The following AHCYL2 variants were observed in gnomAD, a reference collection of about 807,000 sequenced individuals.
AHCYL2 encodes S-adenosylhomocysteine hydrolase-like protein 2.
A neutral mutation model predicts 81.4 loss-of-function variants in AHCYL2; 28 were observed. That is an observed-to-expected ratio of 0.34 (90% CI 0.25 to 0.47). The LOEUF (loss-of-function observed/expected upper bound fraction) is 0.47, where lower values mean the gene tolerates loss of function less well. Among genes scored for constraint, AHCYL2 ranks in the 20% least tolerant of loss-of-function variants. The pLI is 1.00. For missense variants in AHCYL2, 551 were observed against 785.1 expected, an observed-to-expected ratio of 0.70 and a Z score of 3.56; for synonymous variants, 272 against 290.2, an observed-to-expected ratio of 0.94 and a Z score of 0.64.
chr7:129,394,440 CTTTTTTTT>C (rs35797517), intron 4 of AHCYL2, among the ~76,000 whole-genome samples: 4 of 45,746 alleles, frequency 8.7e-5, no homozygotes, highest in East Asian at 1.7e-3. Context: ...TTGTATTTGA[CTTTTTTTT>C]TTTTTTTTTT....
intron 1 of AHCYL2, among the ~76,000 whole-genome samples, chr7:129,257,329 A>G (rs1795463661): frequency 6.6e-6 from 1 of 152,174 alleles, no homozygotes. Flanking sequence ...TTGGCAGCCT[A>G]AGGGATCCTT....
At chr7:129,262,738 C>A (rs560729981) in intron 1 of AHCYL2, among the ~76,000 whole-genome samples, 2 of 152,242 alleles carry the variant, frequency 1.3e-5, no homozygotes, top group African/African-American at 4.8e-5. Flanking sequence ...GCTGGGAACT[C>A]AGATTTCAGG....
intron 1 of AHCYL2, among the ~76,000 whole-genome samples, chr7:129,311,399 AAAT>A (rs1420660107): frequency 1.3e-5 from 2 of 152,170 alleles, no homozygotes; most frequent in African/African-American, 4.8e-5. Flanking sequence ...CTGTGGTTTT[AAAT>A]ATCATCTAAC....
chr7:129,240,929 T>A (rs1042002225), intron 1 of AHCYL2, among the ~76,000 whole-genome samples: 2 of 152,148 alleles, frequency 1.3e-5, no homozygotes, highest in Non-Finnish European at 2.9e-5. Context: ...GGTATAGGTT[T>A]GCGTAGAGAG....
At chr7:129,249,711 C>T (rs1309092177) in intron 1 of AHCYL2, among the ~76,000 whole-genome samples, 1 of 152,232 alleles carries the variant, frequency 6.6e-6, no homozygotes, top group Admixed American at 6.5e-5. Flanking sequence ...AGGCGTGAGC[C>T]ACCGTGCCTG....
intron 1 of AHCYL2, among the ~76,000 whole-genome samples, chr7:129,330,716 C>T (rs1798390381): frequency 6.6e-6 from 1 of 152,194 alleles, no homozygotes; most frequent in Non-Finnish European, 1.5e-5. Context: ...CCGCCTTGGC[C>T]TCCCAAAGTG....
At chr7:129,348,437 G>A (rs2150826117) in intron 1 of AHCYL2, among the ~76,000 whole-genome samples, 1 of 149,798 alleles carries the variant, frequency 6.7e-6, no homozygotes, top group African/African-American at 2.5e-5. Context: ...TGAAAAGAAT[G>A]TCTCTACAAG....
At position 129,344,142 on chromosome 7, in the gene AHCYL2, T is replaced by C. The variant is rs1170303852; in HGVS notation, c.364-35496T>C. ...TGACAATAGCTACTACTGATGAGGGTGTGGGACAGTTGTAATGATCATGCA... is the reference window on the plus strand; with the variant it reads ...TGACAATAGCTACTACTGATGAGGGCGTGGGACAGTTGTAATGATCATGCA... On this transcript the variant is annotated intron_variant, in intron 1 of 16. Coordinates refer to ENST00000325006, the MANE Select transcript of AHCYL2 (RefSeq NM_015328.4). Among the ~76,000 whole-genome samples, 10 of 152,196 alleles carry C rather than the reference T, an allele frequency of 6.6e-5. No individual in the cohort carries two copies. The East Asian group carries it at 1.9e-3, about 29-fold the overall frequency.
intron 1 of AHCYL2, among the ~76,000 whole-genome samples, chr7:129,337,694 C>T (rs949845873): frequency 2.7e-5 from 4 of 150,838 alleles, no homozygotes; most frequent in African/African-American, 4.9e-5. Context: ...CCACTGTGCC[C>T]GTCCATGCCA....
At chr7:129,251,308 A>T (rs1042670205) in intron 1 of AHCYL2, among the ~76,000 whole-genome samples, 9 of 136,022 alleles carry the variant, frequency 6.6e-5, no homozygotes, top group Non-Finnish European at 1.2e-4. Context: ...CAGCTGGCAG[A>T]TAGTAAAGAT....
chr7:129,274,196 A>G (rs951002128), intron 1 of AHCYL2, among the ~76,000 whole-genome samples: 4 of 152,170 alleles, frequency 2.6e-5, no homozygotes, highest in African/African-American at 7.2e-5. Context: ...GAGAGTGTCT[A>G]TTGTGCTTAT....
At chr7:129,319,740 T>TA (rs1030813036) in intron 1 of AHCYL2, among the ~76,000 whole-genome samples, 2 of 152,226 alleles carry the variant, frequency 1.3e-5, no homozygotes, top group African/African-American at 4.8e-5. Flanking sequence ...TCATTCACGT[T>TA]ACAGCACGTA....
chr7:129,388,831 TA>T, intron 2 of AHCYL2: 1 of 462,118 alleles, frequency 2.2e-6, no homozygotes, highest in Non-Finnish European at 3.8e-6. Context: ...GTTCTGAAGA[TA>T]AAGTTAGCCC....
At chr7:129,245,025 CTTTT>C (rs11457350) in intron 1 of AHCYL2, among the ~76,000 whole-genome samples, 6 of 115,752 alleles carry the variant, frequency 5.2e-5, no homozygotes, top group Admixed American at 9.0e-5. Context: ...GTAGAATATT[CTTTT>C]TTTTTTTTTT....
At chr7:129,410,108 C>T (rs1796495414) in intron 11 of AHCYL2, 2 of 1,511,508 alleles carry the variant, frequency 1.3e-6, no homozygotes, top group East Asian at 4.5e-5. Flanking sequence ...CAAGATAATC[C>T]ATCTCTAAAA....
chr7:129,280,886 A>C (rs1009741412), intron 1 of AHCYL2, among the ~76,000 whole-genome samples: 2 of 145,952 alleles, frequency 1.4e-5, no homozygotes, highest in African/African-American at 5.1e-5. Flanking sequence ...TTTTTTTGAG[A>C]CAGAGTCTCG....
intron 1 of AHCYL2, among the ~76,000 whole-genome samples, chr7:129,331,207 T>G (rs1798406078): frequency 6.6e-6 from 1 of 152,162 alleles, no homozygotes; most frequent in Admixed American, 6.5e-5. Flanking sequence ...AAGACGAACA[T>G]TTTTATACAC....
At chr7:129,418,942 A>G (rs1796985943) in intron 12 of AHCYL2, among the ~76,000 whole-genome samples, 1 of 152,212 alleles carries the variant, frequency 6.6e-6, no homozygotes. Context: ...GCACACTATG[A>G]GAAAAAGAGG....
At chr7:129,403,978 G>GT (rs546383637) in intron 7 of AHCYL2, among the ~76,000 whole-genome samples, 5,696 of 139,646 alleles carry the variant, frequency 0.041, 154 homozygotes, top group African/African-American at 0.08. Flanking sequence ...GATCTCTCTT[G>GT]TTTTTTTTTT....
Sources: gnomAD v4.1 joint callset for allele counts (sites outside exome capture counted in the v4.1 genomes callset) on GRCh38, gnomAD v4.1.1 for gene constraint, MANE v1.5 for transcripts, NCBI Gene and HGNC (gene_info 2026-07-23, HGNC 2026-07-21) for gene names.